The following CLNK variants were observed in gnomAD, a reference collection of about 807,000 sequenced individuals.
CLNK encodes the protein cytokine-dependent hematopoietic cell linker.
A neutral mutation model predicts 68.6 loss-of-function variants in CLNK; 74 were observed. That is an observed-to-expected ratio of 1.08 (90% CI 0.89 to 1.31). The LOEUF is 1.31. CLNK is among the 50% of genes most tolerant of loss of function. The probability of loss-of-function intolerance (pLI) is 0.00; values close to 1 mark genes in which losing one functional copy is unlikely to be tolerated. For missense variants in CLNK, 553 were observed against 515.3 expected, an observed-to-expected ratio of 1.07 and a Z score of -0.71; for synonymous variants, 198 against 172.2, an observed-to-expected ratio of 1.15 and a Z score of -1.17.
At chr4:10,588,434 C>G (rs1297753827) in intron 3 of CLNK, among the ~76,000 whole-genome samples, 1 of 152,170 alleles carries the variant, frequency 6.6e-6, no homozygotes, top group African/African-American at 2.4e-5. Context: ...GAGTGGCTAG[C>G]GGGTTGTTCC....
At chr4:10,591,563 A>C (rs1456898118) in intron 3 of CLNK, among the ~76,000 whole-genome samples, 1 of 152,202 alleles carries the variant, frequency 6.6e-6, no homozygotes, top group Non-Finnish European at 1.5e-5. Flanking sequence ...AGGGAAATAT[A>C]CAAAAGAGGG....
chr4:10,576,857 T>C (rs752703902), intron 4 of CLNK, among the ~76,000 whole-genome samples: 11 of 152,216 alleles, frequency 7.2e-5, no homozygotes, highest in South Asian at 2.1e-4. Context: ...GGCCATTAGG[T>C]AAATAGAGAC....
intron 1 of CLNK, among the ~76,000 whole-genome samples, chr4:10,670,730 T>C (rs1356769466): frequency 6.6e-6 from 1 of 152,176 alleles, no homozygotes; most frequent in Non-Finnish European, 1.5e-5. Context: ...ATACAATCCA[T>C]CAATATTTGG....
the CLNK span, among the ~76,000 whole-genome samples, chr4:10,699,514 T>A: frequency 0.012 from 212 of 18,196 alleles, 4 homozygotes; most frequent in East Asian, 0.04. Flanking sequence ...ATATATATAT[T>A]TTTTTTTTTT....
the CLNK span, among the ~76,000 whole-genome samples, chr4:10,691,778 G>T: frequency 6.6e-6 from 1 of 152,164 alleles, no homozygotes; most frequent in Non-Finnish European, 1.5e-5. Flanking sequence ...TCCTCAAACT[G>T]GTTGAATTTA....
chr4:10,566,140 A>T lies in CLNK; in HGVS notation c.161T>A (p.Phe54Tyr). 1 of 1,613,610 alleles carries T rather than the reference A, an allele frequency of 6.2e-7. No homozygotes were observed. The highest frequency in any genetic ancestry group is 8.5e-7 in the Non-Finnish European group (1 of 1,179,674). ...TTTTGCTCCATCCAGGACTGCAGCA[A>T]AGTTTCTTTCCTAAGCAGGTGGTAA... is the stretch of plus-strand genomic sequence containing the variant. ...NKPLLDWERN[F>Y]AAVLDGAKGH... Residue 54 changes from phenylalanine (F) to tyrosine (Y), a missense_variant, in exon 6 of 19, where the codon TTT becomes TAT. Coordinates refer to ENST00000226951, the MANE Select transcript of CLNK (RefSeq NM_052964.4).
intron 16 of CLNK, among the ~76,000 whole-genome samples, chr4:10,510,063 G>A (rs1717506353): frequency 6.6e-6 from 1 of 152,160 alleles, no homozygotes; most frequent in Non-Finnish European, 1.5e-5. Context: ...ACTCAGTCAT[G>A]GTGCATTTCA....
chr4:10,598,642 A>T (rs1205815354), intron 2 of CLNK: 1 of 440,148 alleles, frequency 2.3e-6, no homozygotes, highest in East Asian at 7.5e-5. Context: ...CTATGAAGAG[A>T]TTAACTTATT....
intron 17 of CLNK, 34 bp from the exon 18 acceptor site, chr4:10,501,445 A>G: frequency 6.3e-7 from 1 of 1,596,994 alleles, no homozygotes; most frequent in South Asian, 1.1e-5. Context: ...ATCTTTTCAG[A>G]CACGCCAGCA....
At chr4:10,573,755 C>G (rs1720442039) in intron 4 of CLNK, among the ~76,000 whole-genome samples, 1 of 152,138 alleles carries the variant, frequency 6.6e-6, no homozygotes. Context: ...GCGGGGTCTC[C>G]TTTCTCACCA....
At chr4:10,535,213 G>GAAAGAGAAAGAAAGAAAGAA in intron 11 of CLNK, among the ~76,000 whole-genome samples, 2 of 131,392 alleles carry the variant, frequency 1.5e-5, no homozygotes, top group African/African-American at 5.7e-5. Context: ...AAGAAAGAAA[G>GAAAGAGAAAGAAAGAAAGAA]AGAAAGAAAG....
chr4:10,693,107 A>C, the CLNK span, among the ~76,000 whole-genome samples: 1 of 152,206 alleles, frequency 6.6e-6, no homozygotes, highest in Non-Finnish European at 1.5e-5. Context: ...CTGGACTTGC[A>C]AGATAGCTGT....
At chr4:10,700,026 G>A in the CLNK span, among the ~76,000 whole-genome samples, 6 of 151,326 alleles carry the variant, frequency 4.0e-5, no homozygotes, top group African/African-American at 9.7e-5. Flanking sequence ...GTGTGTGTGT[G>A]TATATATATA....
intron 2 of CLNK, among the ~76,000 whole-genome samples, chr4:10,666,881 A>G (rs747696408): frequency 6.6e-6 from 1 of 152,186 alleles, no homozygotes. Flanking sequence ...ATCCATGGGT[A>G]GCTGAGATAC....
At chr4:10,611,507 A>AAG (rs1255373350) in intron 2 of CLNK, among the ~76,000 whole-genome samples, 5 of 151,390 alleles carry the variant, frequency 3.3e-5, no homozygotes, top group Non-Finnish European at 5.9e-5. Context: ...AAAAAAAAAA[A>AAG]AAAATGTAGT....
chr4:10,529,443 C>T (rs975942352), intron 12 of CLNK, among the ~76,000 whole-genome samples: 3 of 152,190 alleles, frequency 2.0e-5, no homozygotes, highest in African/African-American at 7.2e-5. Flanking sequence ...ATAGTTGCTT[C>T]ATAGATAAGA....
At chr4:10,694,502 C>T in the CLNK span, among the ~76,000 whole-genome samples, 5 of 152,052 alleles carry the variant, frequency 3.3e-5, no homozygotes, top group African/African-American at 7.2e-5. Flanking sequence ...TTTAGATACA[C>T]GAATACTATT....
the CLNK span, among the ~76,000 whole-genome samples, chr4:10,731,165 C>A: frequency 6.6e-6 from 1 of 152,212 alleles, no homozygotes; most frequent in Admixed American, 6.5e-5. Flanking sequence ...AAACATTAGA[C>A]CATATTCCTT....
rs111539674 is a variant in CLNK at position 10,677,837 on chromosome 4, C to CGAT, written c.-43+6830_-43+6831insATC. Among the ~76,000 whole-genome samples, 13 of 149,170 alleles carry CGAT rather than the reference C, an allele frequency of 8.7e-5. No individual in the cohort carries two copies. The East Asian group carries it at 1.4e-3, about 16-fold the overall frequency. ...TGTGAAAATGGACTAATAAAAATAGCAATAATAATAATAATAATAATAATA... is the reference window on the plus strand; with the variant it reads ...TGTGAAAATGGACTAATAAAAATAGCGATAATAATAATAATAATAATAATAATA... On this transcript the variant is annotated intron_variant, in intron 1 of 18. Transcript: ENST00000226951.
Sources: allele counts gnomAD v4.1 joint callset (sites outside exome capture counted in the v4.1 genomes callset), GRCh38; gene constraint gnomAD v4.1.1; transcripts MANE v1.5; gene names NCBI Gene and HGNC (gene_info 2026-07-23, HGNC 2026-07-21).